Variants in MAGI2 observed in about 807,000 individuals in gnomAD.
MAGI2 encodes the protein membrane associated guanylate kinase, WW and PDZ domain containing 2.
Under a neutral mutation model 133.3 loss-of-function variants are expected in MAGI2, and 35 were observed. The observed-to-expected ratio is 0.26, with a 90% CI of 0.20 to 0.35. The LOEUF (loss-of-function observed/expected upper bound fraction) is 0.35. Ranked by LOEUF, MAGI2 falls within the 10% of genes least tolerant of loss-of-function variation. MAGI2 has a pLI of 1.00. For synonymous variants in MAGI2, 729 were observed against 710.6 expected, an observed-to-expected ratio of 1.03 and a Z score of -0.41; for missense variants, 1,636 against 1,863.4, an observed-to-expected ratio of 0.88 and a Z score of 2.25.
At position 78,070,182 on chromosome 7, in the gene MAGI2, T is replaced by C. The variant is rs1475083267; in HGVS notation, c.3706+8765A>G. On this transcript the variant is annotated intron_variant, in intron 21 of 21. Coordinates refer to ENST00000354212, the MANE Select transcript of MAGI2 (RefSeq NM_012301.4). ...ATATATACACACACACACATATATA[T>C]ATATATATATATATATATATATATA... Among the ~76,000 whole-genome samples, 450 of 92,622 alleles carry C rather than the reference T, an allele frequency of 4.9e-3. 4 individuals carry two copies. The highest frequency in any genetic ancestry group is 0.016 in the African/African-American group (324 of 19,928). The allele number at this position is 92,622 out of a possible 152,430, so 60.8% of individuals were successfully genotyped here. A position where few individuals can be genotyped will look rare whatever the true frequency, so the allele number is the denominator to read the frequency against.
intron 6 of MAGI2, among the ~76,000 whole-genome samples, chr7:78,446,337 T>G (rs924547085): frequency 6.6e-6 from 1 of 152,060 alleles, no homozygotes; most frequent in African/African-American, 2.4e-5. Flanking sequence ...CAACTTAAAC[T>G]GGCATAAATA....
At chr7:78,046,942 G>A (rs948830176) in intron 21 of MAGI2, among the ~76,000 whole-genome samples, 2 of 152,110 alleles carry the variant, frequency 1.3e-5, no homozygotes, top group African/African-American at 4.8e-5. Context: ...ATTACATGTT[G>A]GTTTATAACA....
At chr7:78,951,588 T>C (rs1190691582) in intron 2 of MAGI2, among the ~76,000 whole-genome samples, 1 of 152,182 alleles carries the variant, frequency 6.6e-6, no homozygotes, top group Admixed American at 6.5e-5. Context: ...CTGGGGATTA[T>C]GGGAACTGCA....
intron 2 of MAGI2, among the ~76,000 whole-genome samples, chr7:78,649,858 G>T (rs1440646312): frequency 6.6e-6 from 1 of 151,000 alleles, no homozygotes; most frequent in Non-Finnish European, 1.5e-5. Context: ...AATGCTAATC[G>T]CATGAAAGTG....
intron 20 of MAGI2, among the ~76,000 whole-genome samples, chr7:78,101,143 AT>A (rs1197586895): frequency 2.6e-5 from 4 of 152,242 alleles, no homozygotes; most frequent in Non-Finnish European, 5.9e-5. Context: ...TGATCAACAG[AT>A]TTAATGTAAT....
chr7:79,249,884 A>C (rs1419129087), intron 1 of MAGI2, among the ~76,000 whole-genome samples: 1 of 152,138 alleles, frequency 6.6e-6, no homozygotes, highest in Non-Finnish European at 1.5e-5. Flanking sequence ...ATATATATTG[A>C]TACAAAAATC....
At chr7:78,267,892 A>T (rs1383454380) in intron 9 of MAGI2, among the ~76,000 whole-genome samples, 1 of 152,152 alleles carries the variant, frequency 6.6e-6, no homozygotes, top group South Asian at 2.1e-4. Context: ...CACGGAGGAA[A>T]ACAATCTAAT....
chr7:78,936,793 G>A (rs1800549729), intron 2 of MAGI2, among the ~76,000 whole-genome samples: 1 of 151,960 alleles, frequency 6.6e-6, no homozygotes, highest in East Asian at 1.9e-4. Flanking sequence ...AAGAGGGAAG[G>A]CAAGAATAAC....
intron 1 of MAGI2, among the ~76,000 whole-genome samples, chr7:79,287,758 T>C (rs117261346): frequency 3.9e-5 from 6 of 152,250 alleles, no homozygotes; most frequent in Non-Finnish European, 7.4e-5. Context: ...AATGTAAAGT[T>C]AAAAATACAC....
At position 78,375,175 on chromosome 7, in the gene MAGI2, G is replaced by A. The variant is rs149937806; in HGVS notation, c.1046-5962C>T. ...GATGTCTTTCAATAGGTATATTCAA[G>A]AGAATGACTTTTAATTTTGCTATCT... On this transcript the variant is annotated intron_variant, in intron 6 of 21. Transcript: ENST00000354212. Among the ~76,000 whole-genome samples the A allele has an allele frequency of 3.3e-3, 505 of 152,190 alleles. 7 individuals are homozygous for A. The East Asian group carries it at 0.04, about 12-fold the overall frequency.
At chr7:78,783,012 CTTTTTT>C (rs11432048) in intron 2 of MAGI2, among the ~76,000 whole-genome samples, 24 of 96,196 alleles carry the variant, frequency 2.5e-4, no homozygotes, top group South Asian at 7.3e-4. Flanking sequence ...TGATTCTTAC[CTTTTTT>C]TTTTTTTTTT....
chr7:78,576,187 T>A (rs890647282), intron 3 of MAGI2, among the ~76,000 whole-genome samples: 29 of 151,934 alleles, frequency 1.9e-4, no homozygotes, highest in Admixed American at 7.9e-4. Flanking sequence ...AACCTCTCTA[T>A]AATGCTTTTT....
intron 1 of MAGI2, among the ~76,000 whole-genome samples, chr7:79,243,794 A>C (rs1276223870): frequency 1.3e-5 from 2 of 152,232 alleles, no homozygotes; most frequent in African/African-American, 4.8e-5. Context: ...CATGTTAAAA[A>C]TAATGAATAC....
intron 2 of MAGI2, among the ~76,000 whole-genome samples, chr7:78,655,454 C>CAAAAAAAAAAAAAAAAAAAACAACAAA (rs1812092350): frequency 1.5e-5 from 1 of 64,950 alleles, no homozygotes; most frequent in East Asian, 5.2e-4. Flanking sequence ...AAAAAACAAC[C>CAAAAAAAAAAAAAAAAAAAACAACAAA]AAAAAAAAAA....
At chr7:79,087,836 T>C (rs1355822300) in intron 1 of MAGI2, among the ~76,000 whole-genome samples, 4 of 152,122 alleles carry the variant, frequency 2.6e-5, no homozygotes, top group Non-Finnish European at 5.9e-5. Flanking sequence ...GAGGCCTCTG[T>C]TATGTTCCAT....
intron 2 of MAGI2, among the ~76,000 whole-genome samples, chr7:78,774,798 T>G (rs1257300358): frequency 1.7e-4 from 26 of 152,134 alleles, no homozygotes; most frequent in Admixed American, 1.6e-3. Flanking sequence ...TAGAAGAGAC[T>G]AAAGGTCCCA....
At chr7:79,277,614 C>T (rs1422209456) in intron 1 of MAGI2, among the ~76,000 whole-genome samples, 1 of 152,096 alleles carries the variant, frequency 6.6e-6, no homozygotes, top group African/African-American at 2.4e-5. Flanking sequence ...TTAAGTGGCT[C>T]ACAGTCTGGT....
At chr7:79,390,136 T>A (rs1844492772) in intron 1 of MAGI2, among the ~76,000 whole-genome samples, 2 of 152,148 alleles carry the variant, frequency 1.3e-5, no homozygotes, top group Admixed American at 6.6e-5. Context: ...GAGTTTCCCA[T>A]ATGGCCACCA....
chr7:78,939,419 T>C (rs1300144663), intron 2 of MAGI2, among the ~76,000 whole-genome samples: 2 of 152,130 alleles, frequency 1.3e-5, no homozygotes, highest in Non-Finnish European at 2.9e-5. Flanking sequence ...CATTCTAACA[T>C]AAGGATTAGC....
Sources: gnomAD v4.1 joint callset for allele counts (sites outside exome capture counted in the v4.1 genomes callset) on GRCh38, gnomAD v4.1.1 for gene constraint, MANE v1.5 for transcripts, NCBI Gene and HGNC (gene_info 2026-07-23, HGNC 2026-07-21) for gene names.